MAD1L1: variants seen among roughly 807,000 people sequenced by gnomAD.
MAD1L1 encodes mitotic arrest deficient 1 like 1, also known as mitotic spindle assembly checkpoint protein MAD1.
MAD1L1 carries 95 observed loss-of-function variants against 96.9 expected under a neutral mutation model. The observed-to-expected ratio is 0.98, with a 90% CI of 0.83 to 1.16. The LOEUF (loss-of-function observed/expected upper bound fraction) is 1.16. Among genes scored for constraint, MAD1L1 ranks in the 50% most tolerant of loss-of-function variants. The pLI, the probability that MAD1L1 is intolerant of heterozygous loss-of-function variation, is 0.00. For synonymous variants in MAD1L1, 473 were observed against 396.6 expected (o/e 1.19, Z -2.29); for missense variants, 1,007 against 954.4 (o/e 1.06, Z -0.73).
chr7:1,971,369 T>G (rs564254216), intron 15 of MAD1L1, among the ~76,000 whole-genome samples: 2 of 152,096 alleles, frequency 1.3e-5, no homozygotes, highest in African/African-American at 4.8e-5. Flanking sequence ...AGTCAAAACA[T>G]GGCCAACAGT....
At chr7:2,231,515 G>A (rs996767582) in intron 1 of MAD1L1, among the ~76,000 whole-genome samples, 3 of 151,856 alleles carry the variant, frequency 2.0e-5, no homozygotes, top group African/African-American at 7.3e-5. Flanking sequence ...GCTGGGACAG[G>A]AGATTTTCTT....
At position 1,980,753 on chromosome 7, in the gene MAD1L1, C is replaced by T. The variant is rs1335649341; in HGVS notation, c.1417-212G>A. The T allele has an allele frequency of 9.0e-6, 6 of 670,150 alleles. No homozygotes were observed. In the East Asian group the frequency reaches 1.2e-4, roughly 13 times the overall value. 41.5% of individuals were successfully genotyped at this position (670,150 alleles called of 1,614,324 possible). A position where few individuals can be genotyped will look rare whatever the true frequency, so the allele number is the denominator to read the frequency against. Reference sequence around the variant, plus strand: ...AAGTTCTCTCATTTTTTTGTCACTTCCATCTCCTGAATAGCAACAGATGCA... The same window carrying T: ...AAGTTCTCTCATTTTTTTGTCACTTTCATCTCCTGAATAGCAACAGATGCA... On this transcript the variant is annotated intron_variant, in intron 14 of 18. Transcript: ENST00000265854.
intron 11 of MAD1L1, among the ~76,000 whole-genome samples, chr7:2,075,989 C>G (rs371248492): frequency 6.6e-6 from 1 of 152,218 alleles, no homozygotes; most frequent in Non-Finnish European, 1.5e-5. Context: ...GTGGCCACCG[C>G]GGGAGACAGG....
At chr7:2,196,229 T>C (rs1020550138) in intron 10 of MAD1L1, among the ~76,000 whole-genome samples, 2 of 152,214 alleles carry the variant, frequency 1.3e-5, no homozygotes, top group African/African-American at 4.8e-5. Context: ...CTTTGTCAAC[T>C]ACACAGCAGC....
At chr7:1,884,551 T>A (rs1402459166) in intron 18 of MAD1L1, among the ~76,000 whole-genome samples, 1 of 152,184 alleles carries the variant, frequency 6.6e-6, no homozygotes, top group East Asian at 1.9e-4. Flanking sequence ...TCCCATTGCA[T>A]CTTCCTGCCT....
intron 18 of MAD1L1, among the ~76,000 whole-genome samples, chr7:1,827,131 C>T (rs535431447): frequency 6.6e-6 from 1 of 152,336 alleles, no homozygotes; most frequent in South Asian, 2.1e-4. Flanking sequence ...TGGCATCCGC[C>T]ACGGGCGGCT....
chr7:2,076,573 C>T (rs1223233710), intron 11 of MAD1L1, among the ~76,000 whole-genome samples: 1 of 152,232 alleles, frequency 6.6e-6, no homozygotes, highest in African/African-American at 2.4e-5. Context: ...ACACTGTTCA[C>T]ACATGGGCAT....
intron 12 of MAD1L1, among the ~76,000 whole-genome samples, chr7:2,045,739 G>C (rs1441866784): frequency 1.3e-5 from 2 of 152,070 alleles, no homozygotes; most frequent in African/African-American, 4.8e-5. Flanking sequence ...AGAGTGGGGT[G>C]GGGGAGGGGA....
At chr7:1,855,908 C>A (rs1171202955) in intron 18 of MAD1L1, among the ~76,000 whole-genome samples, 1 of 152,168 alleles carries the variant, frequency 6.6e-6, no homozygotes, top group Non-Finnish European at 1.5e-5. Context: ...GACAGGGTGG[C>A]TTATGAGCAG....
chr7:2,016,865 A>T (rs1314807289), intron 12 of MAD1L1, among the ~76,000 whole-genome samples: 1 of 152,278 alleles, frequency 6.6e-6, no homozygotes, highest in Admixed American at 6.5e-5. Flanking sequence ...TCATAATCTT[A>T]TTGAAATCCT....
rs142615655 is a variant in MAD1L1 at position 2,097,028 on chromosome 7, G to T, written c.1074-27690C>A. Reference sequence around the variant, plus strand: ...GCAAGCAGTGGACCACAGTTGACATGGTTATGATAAACGCACCACGGGTAT... The same window carrying T: ...GCAAGCAGTGGACCACAGTTGACATTGTTATGATAAACGCACCACGGGTAT... On this transcript the variant is annotated intron_variant, in intron 11 of 18. Coordinates refer to ENST00000265854, the MANE Select transcript of MAD1L1 (RefSeq NM_001013836.2). 3.4e-3 allele frequency among the ~76,000 whole-genome samples: 524 copies of T among 152,290 alleles called. 5 individuals are homozygous for T. Among genetic ancestry groups the T allele is most frequent in the African/African-American group, 0.012 (500 of 41,546 alleles).
At chr7:1,940,298 A>T (rs1049013632) in intron 16 of MAD1L1, 1 of 152,264 alleles carries the variant, frequency 6.6e-6, no homozygotes, top group African/African-American at 2.4e-5. Flanking sequence ...GCAGCTCTTC[A>T]CAGGTTTTCT....
intron 16 of MAD1L1, among the ~76,000 whole-genome samples, chr7:1,944,841 T>A (rs1779156599): frequency 6.6e-6 from 1 of 152,164 alleles, no homozygotes; most frequent in South Asian, 2.1e-4. Flanking sequence ...GGTGGCTTCT[T>A]GGAGCCTGCA....
At chr7:2,090,261 G>A (rs1369492356) in intron 11 of MAD1L1, among the ~76,000 whole-genome samples, 5 of 152,206 alleles carry the variant, frequency 3.3e-5, no homozygotes, top group East Asian at 1.9e-4. Context: ...ACCGGCGCTC[G>A]GGGAGGGGCC....
chr7:2,023,633 C>A (rs962274315), intron 12 of MAD1L1, among the ~76,000 whole-genome samples: 1 of 152,098 alleles, frequency 6.6e-6, no homozygotes, highest in African/African-American at 2.4e-5. Flanking sequence ...AAAAGAAGAA[C>A]AATGTAAGCC....
chr7:1,891,348 A>T (rs929138994), intron 18 of MAD1L1, among the ~76,000 whole-genome samples: 2 of 151,946 alleles, frequency 1.3e-5, no homozygotes, highest in South Asian at 4.2e-4. Flanking sequence ...ACATGGTGAA[A>T]CCCCGTCTCT....
chr7:1,985,528 C>G (rs1781100331), intron 14 of MAD1L1, among the ~76,000 whole-genome samples: 1 of 152,258 alleles, frequency 6.6e-6, no homozygotes, highest in African/African-American at 2.4e-5. Context: ...GCTCGATCTG[C>G]TCTCCCCACC....
At chr7:2,182,460 T>C (rs1033365817) in intron 10 of MAD1L1, among the ~76,000 whole-genome samples, 2 of 152,140 alleles carry the variant, frequency 1.3e-5, no homozygotes, top group East Asian at 1.9e-4. Flanking sequence ...AGAGCTACCA[T>C]GTAACCCAGT....
At chr7:2,172,483 C>T (rs1013870335) in intron 10 of MAD1L1, among the ~76,000 whole-genome samples, 1 of 152,232 alleles carries the variant, frequency 6.6e-6, no homozygotes, top group Non-Finnish European at 1.5e-5. Flanking sequence ...TCCACGCCTC[C>T]TCAGGACAAA....
Sources: gnomAD v4.1 joint callset for allele counts (sites outside exome capture counted in the v4.1 genomes callset) on GRCh38, gnomAD v4.1.1 for gene constraint, MANE v1.5 for transcripts, NCBI Gene and HGNC (gene_info 2026-07-23, HGNC 2026-07-21) for gene names.